USP7: variants seen among roughly 807,000 people sequenced by gnomAD.
USP7 encodes ubiquitin specific peptidase 7.
USP7 carries 9 observed loss-of-function variants against 162.9 expected under a neutral mutation model. That is an observed-to-expected ratio of 0.06 (90% CI 0.03 to 0.10). The LOEUF is 0.10. Ranked by LOEUF, USP7 falls within the 10% of genes least tolerant of loss-of-function variation. The pLI, the probability that USP7 is intolerant of heterozygous loss-of-function variation, is 1.00. For missense variants in USP7, 715 were observed against 1,373.7 expected, an observed-to-expected ratio of 0.52 and a Z score of 7.58; for synonymous variants, 562 against 475.9, an observed-to-expected ratio of 1.18 and a Z score of -2.35.
Position 8,915,540 on chromosome 16 carries a change from T to C in USP7, c.907-15A>G, listed in dbSNP as rs1567221114. 1.2e-6 allele frequency: 2 copies of C among 1,611,132 alleles called. No homozygotes were observed. Among genetic ancestry groups the C allele is most frequent in the Non-Finnish European group, 1.7e-6 (2 of 1,179,380 alleles). ...TTATCGAGCAACTGAAAAAGAATGT[T>C]TTGGCTTTAAAAAAACTTTTTTGTA... On this transcript the variant is annotated splice_polypyrimidine_tract_variant and intron_variant, in intron 8 of 30. Coordinates refer to ENST00000344836, the MANE Select transcript of USP7 (RefSeq NM_003470.3).
At chr16:8,911,112 A>T (rs2061939926) in intron 10 of USP7, among the ~76,000 whole-genome samples, 1 of 152,230 alleles carries the variant, frequency 6.6e-6, no homozygotes, top group African/African-American at 2.4e-5. Context: ...CTGTAAAGCT[A>T]TGATTATGAA....
intron 2 of USP7, among the ~76,000 whole-genome samples, chr16:8,930,086 G>A (rs563073938): frequency 1.3e-5 from 2 of 152,268 alleles, no homozygotes; most frequent in South Asian, 4.2e-4. Flanking sequence ...TCCTTGCCTA[G>A]GCTAGGGAGA....
At chr16:8,914,975 C>T (rs1013091284) in intron 10 of USP7, among the ~76,000 whole-genome samples, 2 of 152,172 alleles carry the variant, frequency 1.3e-5, no homozygotes, top group Non-Finnish European at 1.5e-5. Context: ...AAACAGACAC[C>T]TAAAACATGC....
chr16:8,923,001 T>C (rs991012716), intron 3 of USP7, among the ~76,000 whole-genome samples: 1 of 152,240 alleles, frequency 6.6e-6, no homozygotes, highest in Non-Finnish European at 1.5e-5. Flanking sequence ...CATGGGCTGG[T>C]AGATTCTAAC....
chr16:8,963,125 C>G, intron 1 of USP7, 82 bp downstream of exon 1: 2 of 1,242,810 alleles, frequency 1.6e-6, no homozygotes, highest in Non-Finnish European at 2.1e-6. Context: ...AGATGGCGAG[C>G]CCCTCGCGTG....
intron 22 of USP7, 117 bp downstream of exon 22, chr16:8,899,487 C>A: frequency 7.6e-7 from 1 of 1,310,522 alleles, no homozygotes; most frequent in Non-Finnish European, 1.0e-6. Context: ...GAGATTTCCT[C>A]GGGCATAGCC....
At chr16:8,911,819 A>C (rs923658087) in intron 10 of USP7, among the ~76,000 whole-genome samples, 1 of 152,200 alleles carries the variant, frequency 6.6e-6, no homozygotes, top group African/African-American at 2.4e-5. Context: ...AACTCGAGGA[A>C]ATTACCTGGG....
intron 18 of USP7, 146 bp from the exon 19 acceptor site, chr16:8,901,380 C>T (rs2061772019): frequency 4.7e-6 from 3 of 637,616 alleles, no homozygotes; most frequent in Middle Eastern, 8.2e-4. Flanking sequence ...GCTTAAGGTA[C>T]CTAAAAGTTA....
intron 1 of USP7, among the ~76,000 whole-genome samples, chr16:8,945,359 G>A (rs1899230533): frequency 6.6e-6 from 1 of 152,208 alleles, no homozygotes; most frequent in Non-Finnish European, 1.5e-5. Flanking sequence ...ACTCCAGCTT[G>A]GGCAACACAG....
intron 1 of USP7, among the ~76,000 whole-genome samples, chr16:8,938,174 T>G (rs1567238869): frequency 6.6e-6 from 1 of 151,596 alleles, no homozygotes; most frequent in Non-Finnish European, 1.5e-5. Context: ...CCGAGAAGGC[T>G]GAAGTTCTTT....
rs148763840 is a variant in USP7 at position 8,917,661 on chromosome 16, G to T, written c.721-505C>A. ...CCCAAAGTGCTGGGATTATAGGCGA[G>T]AGCTACCGCACCCAGCCTCACCCAT... On this transcript the variant is annotated intron_variant, in intron 6 of 30. Coordinates refer to ENST00000344836, the MANE Select transcript of USP7 (RefSeq NM_003470.3). Among the ~76,000 whole-genome samples the T allele has an allele frequency of 3.3e-5, 5 of 152,294 alleles. No homozygotes were observed. In the South Asian group the frequency reaches 1.0e-3, roughly 32 times the overall value.
rs553777969 is a variant in USP7 at position 8,943,684 on chromosome 16, G to A, written c.80-13287C>T. On this transcript the variant is annotated intron_variant, in intron 1 of 30. Transcript: ENST00000344836. ...ATATGGGTAGAGTCGAATGGCTGGC[G>A]GGAACACACTTTTCTAGAGTCAACT... Among the ~76,000 whole-genome samples the A allele has an allele frequency of 6.0e-4, 92 of 152,270 alleles. 1 individual carries two copies. Among genetic ancestry groups the A allele is most frequent in the African/African-American group, 4.8e-4 (20 of 41,540 alleles).
In USP7 at chr16:8,919,130, T is replaced by C. The variant is rs1195720202; in HGVS notation, c.621A>G (p.Ser207=). Residue 207 remains serine, a synonymous_variant, in exon 6 of 31, where the codon TCA becomes TCG. Transcript: ENST00000344836. ...AGCCGACGTAGCCTGTGTGCTTCTT[T>C]GAATCCCACCTGAAAGATCAGTTCA... ...ADAPHGVAWD[S]KKHTGYVGLK... is the part of the protein sequence containing the mutation. 1 of 1,614,098 alleles carries C rather than the reference T, an allele frequency of 6.2e-7. No homozygotes were observed. The highest frequency in any genetic ancestry group is 2.2e-5 in the East Asian group (1 of 44,886).
intron 1 of USP7, among the ~76,000 whole-genome samples, chr16:8,938,339 CAAAAA>C (rs55790221): frequency 1.4e-5 from 2 of 141,538 alleles, no homozygotes; most frequent in African/African-American, 5.1e-5. Flanking sequence ...ATAACACAGT[CAAAAA>C]AAAAAAAAGA....
In USP7 at chr16:8,930,149, G is replaced by A. The variant is rs992978282; in HGVS notation, c.184+144C>T. Reference sequence around the variant, plus strand: ...AATCTTGAAACTCAAAACCCAAACAGGATTTTCCTCAGTTACAGCCTCCTG... The same window carrying A: ...AATCTTGAAACTCAAAACCCAAACAAGATTTTCCTCAGTTACAGCCTCCTG... On this transcript the variant is annotated intron_variant, in intron 2 of 30. Coordinates refer to ENST00000344836, the MANE Select transcript of USP7 (RefSeq NM_003470.3). 2.1e-5 allele frequency: 12 copies of A among 564,852 alleles called. No homozygotes were observed. The Admixed American group carries it at 2.2e-4, about 10-fold the overall frequency. The allele number at this position is 564,852 out of a possible 1,614,324, so 35.0% of individuals were successfully genotyped here. A position where few individuals can be genotyped will look rare whatever the true frequency, so the allele number is the denominator to read the frequency against.
intron 1 of USP7, among the ~76,000 whole-genome samples, chr16:8,933,903 G>C (rs1355749345): frequency 6.6e-6 from 1 of 151,946 alleles, no homozygotes; most frequent in Non-Finnish European, 1.5e-5. Flanking sequence ...TTACAGCCGT[G>C]TGCCACCACG....
intron 2 of USP7, among the ~76,000 whole-genome samples, chr16:8,929,120 G>A (rs566904028): frequency 6.6e-5 from 10 of 152,188 alleles, no homozygotes; most frequent in Admixed American, 1.3e-4. Flanking sequence ...GGAATGTTCC[G>A]ATAGGGCAGG....
intron 2 of USP7, among the ~76,000 whole-genome samples, chr16:8,926,874 C>T (rs1898032819): frequency 6.6e-6 from 1 of 151,994 alleles, no homozygotes; most frequent in South Asian, 2.1e-4. Flanking sequence ...TGATAACTCT[C>T]ACTACCTTCC....
In USP7 at chr16:8,906,599, T is replaced by TA. The variant is rs2061863786; in HGVS notation, c.1272-18dup. ...AATTCAAACCTATTAGAAAACATTT[T>TA]AAAAGAAATTCAGTATTAATTTACA... is the stretch of plus-strand genomic sequence containing the variant. On this transcript the variant is annotated splice_polypyrimidine_tract_variant and intron_variant, in intron 12 of 30. Transcript: ENST00000344836. The TA allele has an allele frequency of 6.2e-7, 1 of 1,606,474 alleles. No individual in the cohort carries two copies. The highest frequency in any genetic ancestry group is 2.2e-5 in the East Asian group (1 of 44,814).
Sources: allele counts gnomAD v4.1 joint callset (sites outside exome capture counted in the v4.1 genomes callset), GRCh38; gene constraint gnomAD v4.1.1; transcripts MANE v1.5; gene names NCBI Gene and HGNC (gene_info 2026-07-23, HGNC 2026-07-21).